Variants in B4GALNT4 observed in about 807,000 individuals in gnomAD.
The protein encoded by B4GALNT4 is beta-1,4-N-acetyl-galactosaminyltransferase 4.
A neutral mutation model predicts 110.0 loss-of-function variants in B4GALNT4; 77 were observed. The ratio of observed to expected loss-of-function variants is 0.70; its 90% CI spans 0.58 to 0.85. The LOEUF is 0.85. Among genes scored for constraint, B4GALNT4 ranks in the 40% least tolerant of loss-of-function variants. The probability of loss-of-function intolerance (pLI) is 0.00; values close to 1 mark genes in which losing one functional copy is unlikely to be tolerated. For synonymous variants in B4GALNT4, 785 were observed against 655.5 expected (o/e 1.20, Z -3.02); for missense variants, 1,575 against 1,506.0 (o/e 1.05, Z -0.76).
chr11:378,486 G>C (rs1315365107), intron 14 of B4GALNT4, among the ~76,000 whole-genome samples: 2 of 152,144 alleles, frequency 1.3e-5, no homozygotes, highest in Non-Finnish European at 2.9e-5. Flanking sequence ...ACAGTGTAGA[G>C]AGACCAAGAG....
intron 14 of B4GALNT4, among the ~76,000 whole-genome samples, 196 bp downstream of exon 14, chr11:377,523 G>A (rs1402878616): frequency 6.6e-6 from 1 of 152,166 alleles, no homozygotes; most frequent in African/African-American, 2.4e-5. Flanking sequence ...TGACTGCCCG[G>A]GCACTTGTCC....
rs762415736 is a variant in B4GALNT4, at chr11:379,616, C to T, written c.2403C>T (p.Ser801=). Reference sequence around the variant, plus strand: ...GTCCCGAACCCGCTCCCGCCGCCTCCGTGCGCCCCGACGGCCGCCCCGAGC... The same window carrying T: ...GTCCCGAACCCGCTCCCGCCGCCTCTGTGCGCCCCGACGGCCGCCCCGAGC... ...GESPEPAPAA[S]VRPDGRPELC... is the part of the protein sequence containing the mutation. The change falls in exon 15 of 20, where the codon TCC becomes TCT. Residue 801 remains serine (S), a synonymous_variant. Coordinates refer to ENST00000329962, the MANE Select transcript of B4GALNT4 (RefSeq NM_178537.5). 14 of 1,538,514 alleles carry T rather than the reference C, an allele frequency of 9.1e-6. No individual in the cohort carries two copies. The East Asian group carries it at 2.6e-4, about 28-fold the overall frequency.
chr11:380,636 C>T (rs951913795), intron 18 of B4GALNT4, 189 bp from the exon 19 acceptor site: 4 of 1,243,042 alleles, frequency 3.2e-6, no homozygotes, highest in Non-Finnish European at 4.6e-6. Flanking sequence ...CCAGGAACCT[C>T]CTCCAGTATC....
At chr11:371,449 G>A (rs989009696) in intron 1 of B4GALNT4, among the ~76,000 whole-genome samples, 1 of 152,152 alleles carries the variant, frequency 6.6e-6, no homozygotes, top group Non-Finnish European at 1.5e-5. Context: ...AGCCCCAGGG[G>A]GTTCCACGCC....
At chr11:380,630 GA>G in intron 18 of B4GALNT4, 185 bp downstream of exon 18, 1 of 1,258,182 alleles carries the variant, frequency 7.9e-7, no homozygotes, top group Non-Finnish European at 1.1e-6. Flanking sequence ...GGGGCCCCAG[GA>G]ACCTCCTCCA....
Position 376,686 on chromosome 11 carries a change from G to T in B4GALNT4, c.1563G>T (p.Pro521=). 1 of 1,424,616 alleles carries T rather than the reference G, an allele frequency of 7.0e-7. No homozygotes were observed. The highest frequency in any genetic ancestry group is 9.1e-7 in the Non-Finnish European group (1 of 1,093,738). 88.2% of individuals were successfully genotyped at this position (1,424,616 alleles called of 1,614,324 possible). The change falls in exon 14 of 20, where the codon CCG becomes CCT. Residue 521 remains proline, a synonymous_variant. Transcript: ENST00000329962. The stretch of plus-strand genomic sequence containing the variant: ...CCCCGCGCCCTGCAGTGGAGCAGCC[G>T]CCCCCAAAGGTGTACGTGACCAGGG... ...APPPRPAVEQ[P]PPKVYVTRVR...
Position 376,763 on chromosome 11 carries a change from G to C in B4GALNT4, c.1640G>C (p.Trp547Ser). 7.2e-7 allele frequency: 1 copy of C among 1,387,742 alleles called. No individual in the cohort carries two copies. Among genetic ancestry groups the C allele is most frequent in the Non-Finnish European group, 9.3e-7 (1 of 1,074,748 alleles). The allele number at this position is 1,387,742 out of a possible 1,614,324, so 86.0% of individuals were successfully genotyped here. The stretch of plus-strand genomic sequence containing the variant: ...CGGGCCCCAGCGCCGCGTGCGCCCT[G>C]GCCGCCCTTCCCTGGCGTCTTCCTG... ...SPRAPAPRAPWPPFPGVFLHP... is the reference protein window; with the variant it reads ...SPRAPAPRAPSPPFPGVFLHP... Residue 547 changes from tryptophan (W) to serine (S), a missense_variant, in exon 14 of 20, where the codon TGG (tryptophan) becomes TCG (serine). Transcript: ENST00000329962.
intron 5 of B4GALNT4, 30 bp downstream of exon 5, chr11:373,146 G>A (rs1479085870): frequency 7.4e-6 from 12 of 1,612,286 alleles, no homozygotes; most frequent in Non-Finnish European, 9.3e-6. Context: ...CCGGGGGAGG[G>A]GTGCCGTGAG....
intron 7 of B4GALNT4, 37 bp downstream of exon 7, chr11:373,553 T>C (rs761536331): frequency 6.2e-7 from 1 of 1,602,370 alleles, no homozygotes; most frequent in Non-Finnish European, 8.5e-7. Context: ...TGCACTTGTG[T>C]ATTCGTGGGA....
At chr11:380,554 C>T in intron 18 of B4GALNT4, 109 bp downstream of exon 18, 1 of 1,436,158 alleles carries the variant, frequency 7.0e-7, no homozygotes, top group Non-Finnish European at 9.5e-7. Context: ...CCTGGGAGTC[C>T]ATCAGTGCTC....
rs868539788 is a variant in B4GALNT4, at chr11:370,021, C to G, written c.151+67C>G. 306 of 39,594 alleles carry G rather than the reference C, an allele frequency of 7.7e-3. 1 individual carries two copies. The highest frequency in any genetic ancestry group is 0.01 in the East Asian group (9 of 864). The allele number at this position is 39,594 out of a possible 1,614,324, so 2.5% of individuals were successfully genotyped here. A position where few individuals can be genotyped will look rare whatever the true frequency, so the allele number is the denominator to read the frequency against. The stretch of plus-strand genomic sequence containing the variant: ...GCGCGGGGGGCGCGGGGGGCGCGGG[C>G]GGCGCGGGGGGCGCGGGCGGCGCGG... On this transcript the variant is annotated intron_variant, in intron 1 of 19. Coordinates refer to ENST00000329962, the MANE Select transcript of B4GALNT4 (RefSeq NM_178537.5).
rs1317176263 is a variant in B4GALNT4 at position 377,084 on chromosome 11, C to T, written c.1961C>T (p.Ala654Val). The T allele has an allele frequency of 2.8e-6, 4 of 1,449,394 alleles. No individual in the cohort carries two copies. The highest frequency in any genetic ancestry group is 3.6e-6 in the Non-Finnish European group (4 of 1,101,422). The allele number at this position is 1,449,394 out of a possible 1,614,324, so 89.8% of individuals were successfully genotyped here. The change falls in exon 14 of 20, where the codon GCC becomes GTC. Residue 654 changes from alanine (A) to valine (V), a missense_variant. Transcript: ENST00000329962. ...GAGGAGGAAGGGGAGGACGATGGGG[C>T]CCCGGGCGACGAGGCCGCGTCGGAG... The part of the protein sequence containing the change: ...EEEEEGEDDG[A>V]PGDEAASEDS...
intron 14 of B4GALNT4, among the ~76,000 whole-genome samples, chr11:377,923 G>T (rs1171081733): frequency 6.6e-6 from 1 of 152,244 alleles, no homozygotes; most frequent in Admixed American, 6.5e-5. Context: ...ATTTGGCCTT[G>T]GGGAGGCCTG....
At chr11:373,908 C>T (rs187227847) in intron 8 of B4GALNT4, 80 bp downstream of exon 8, 197 of 1,418,806 alleles carry the variant, frequency 1.4e-4, no homozygotes, top group Admixed American at 2.0e-4. Context: ...ATGGGGTCCC[C>T]GTCCCAAAGT....
At position 376,990 on chromosome 11, in the gene B4GALNT4, C is replaced by T. The variant is rs889638678; in HGVS notation, c.1867C>T (p.Arg623Trp). 1.4e-6 allele frequency: 2 copies of T among 1,454,978 alleles called. No individual in the cohort carries two copies. Among genetic ancestry groups the T allele is most frequent in the Admixed American group, 2.9e-5 (1 of 34,038 alleles). 90.1% of individuals were successfully genotyped at this position (1,454,978 alleles called of 1,614,324 possible). The change falls in exon 14 of 20, where the codon CGG becomes TGG. Residue 623 changes from arginine to tryptophan, a missense_variant. Transcript: ENST00000329962. ...TVDSNLSSEARPVTSFLSLSQ... is the reference protein window; with the variant it reads ...TVDSNLSSEAWPVTSFLSLSQ... ...GGACTCAAACTTGTCCTCCGAAGCG[C>T]GGCCCGTGACCTCCTTCCTGAGCTT...
At chr11:375,310 T>C in intron 8 of B4GALNT4, 151 bp from the exon 9 acceptor site, 1 of 807,198 alleles carries the variant, frequency 1.2e-6, no homozygotes, top group Non-Finnish European at 2.1e-6. Context: ...TGCCCCTTCT[T>C]GGAACGCCCC....
In B4GALNT4 at chr11:379,508, G is replaced by A. The variant is rs1846826342; in HGVS notation, c.2295G>A (p.Glu765=). 6.3e-7 allele frequency: 1 copy of A among 1,576,084 alleles called. No homozygotes were observed. Among genetic ancestry groups the A allele is most frequent in the African/African-American group, 1.4e-5 (1 of 73,730 alleles). The change falls in exon 15 of 20, where the codon GAG becomes GAA. Residue 765 remains glutamate, a synonymous_variant. Coordinates refer to ENST00000329962, the MANE Select transcript of B4GALNT4 (RefSeq NM_178537.5). ...SRFLLELELQ[E]RGGGRLRLSE... ...TCCTGCTGGAGCTGGAGCTGCAGGAGCGCGGGGGCGGCCGCCTGCGACTGT... is the reference window on the plus strand; with the variant it reads ...TCCTGCTGGAGCTGGAGCTGCAGGAACGCGGGGGCGGCCGCCTGCGACTGT...
chr11:380,180 A>G lies in B4GALNT4; in HGVS notation c.2693A>G (p.Gln898Arg). 2 of 1,603,372 alleles carry G rather than the reference A, an allele frequency of 1.2e-6. No individual in the cohort carries two copies. Among genetic ancestry groups the G allele is most frequent in the Non-Finnish European group, 1.7e-6 (2 of 1,172,742 alleles). The change falls in exon 17 of 20, where the codon CAG (glutamine) becomes CGG (arginine). Residue 898 changes from glutamine (Q) to arginine (R), a missense_variant. Gln to Arg is a conservative substitution (Grantham distance 43). Coordinates refer to ENST00000329962, the MANE Select transcript of B4GALNT4 (RefSeq NM_178537.5). ...AACTTCGAGCGCTCCGCCGGGCTGC[A>G]GGCGGGAGTGGACGCGGTAGAGGTC... ...TGNFERSAGL[Q>R]AGVDAVEDAS...
chr11:374,238 T>C (rs899828899), intron 8 of B4GALNT4, among the ~76,000 whole-genome samples: 3 of 151,976 alleles, frequency 2.0e-5, no homozygotes, highest in Non-Finnish European at 2.9e-5. Flanking sequence ...AATGAGGCCA[T>C]TGGATTTGCA....
Sources: allele counts gnomAD v4.1 joint callset (sites outside exome capture counted in the v4.1 genomes callset), GRCh38; gene constraint gnomAD v4.1.1; transcripts MANE v1.5; gene names NCBI Gene and HGNC (gene_info 2026-07-23, HGNC 2026-07-21).